The following RGS7 variants were observed in gnomAD, a reference collection of about 807,000 sequenced individuals.
RGS7 encodes the protein regulator of G-protein signaling 7.
A neutral mutation model predicts 81.1 loss-of-function variants in RGS7; 27 were observed. The ratio of observed to expected loss-of-function variants is 0.33; its 90% CI spans 0.25 to 0.46. RGS7 has a LOEUF of 0.46. Among genes scored for constraint, RGS7 ranks in the 20% least tolerant of loss-of-function variants. The pLI is 1.00. For missense variants in RGS7, 396 were observed against 607.4 expected (o/e 0.65, Z 3.66); for synonymous variants, 208 against 207.7 (o/e 1.00, Z -0.01).
chr1:241,334,413 A>T (rs1182413304), intron 2 of RGS7, among the ~76,000 whole-genome samples: 1 of 152,118 alleles, frequency 6.6e-6, no homozygotes, highest in African/African-American at 2.4e-5. Context: ...GGTCATAAAG[A>T]TCATTCCACA....
At chr1:240,884,173 G>A (rs373888221) in intron 6 of RGS7, among the ~76,000 whole-genome samples, 59 of 151,200 alleles carry the variant, frequency 3.9e-4, no homozygotes, top group African/African-American at 9.0e-4. Flanking sequence ...CGTGCCTTAC[G>A]GAAAAATTAA....
chr1:240,987,232 C>T (rs1400711063), intron 3 of RGS7, among the ~76,000 whole-genome samples: 3 of 152,198 alleles, frequency 2.0e-5, no homozygotes, highest in Non-Finnish European at 2.9e-5. Context: ...AAATAGAACA[C>T]ATTTGATTTG....
intron 2 of RGS7, among the ~76,000 whole-genome samples, chr1:241,218,057 G>C (rs777377769): frequency 6.6e-6 from 1 of 152,164 alleles, no homozygotes; most frequent in Non-Finnish European, 1.5e-5. Context: ...TCATGTGTGT[G>C]CATGTGGATA....
chr1:240,964,568 C>A (rs140980248), intron 4 of RGS7, among the ~76,000 whole-genome samples: 2 of 152,112 alleles, frequency 1.3e-5, no homozygotes, highest in African/African-American at 2.4e-5. Flanking sequence ...GTAATGATTT[C>A]TTTAATGTCA....
chr1:241,307,334 A>G (rs10802948), intron 2 of RGS7, among the ~76,000 whole-genome samples: 123,884 of 152,128 alleles, frequency 0.81, 50,609 homozygotes, highest in East Asian at 0.9. Flanking sequence ...AGAATCTAAC[A>G]GGAGTTCAAT....
At chr1:240,888,546 G>A (rs558554869) in intron 6 of RGS7, among the ~76,000 whole-genome samples, 1 of 152,170 alleles carries the variant, frequency 6.6e-6, no homozygotes, top group Non-Finnish European at 1.5e-5. Flanking sequence ...GGCTTACTTT[G>A]TACTGGTCTG....
chr1:240,987,353 G>A (rs1482655744), intron 3 of RGS7, among the ~76,000 whole-genome samples: 2 of 152,068 alleles, frequency 1.3e-5, no homozygotes, highest in Non-Finnish European at 2.9e-5. Flanking sequence ...AGGCAAAGAC[G>A]CTGACCTTTG....
chr1:241,145,068 A>G (rs1468694929), intron 2 of RGS7, among the ~76,000 whole-genome samples: 3 of 151,238 alleles, frequency 2.0e-5, no homozygotes, highest in East Asian at 3.9e-4. Flanking sequence ...CCAGGCTGGA[A>G]TGCAGTGGCA....
rs147445349 is a variant in RGS7 at position 241,163,918 on chromosome 1, T to C, written c.79-65156A>G. 2.0e-3 allele frequency among the ~76,000 whole-genome samples: 297 copies of C among 152,280 alleles called. 1 individual carries two copies. Among genetic ancestry groups the C allele is most frequent in the African/African-American group, 6.8e-3 (281 of 41,552 alleles). On this transcript the variant is annotated intron_variant, in intron 2 of 18. Transcript: ENST00000440928. The surrounding 1 kb of genome is among the most constrained non-coding windows in gnomAD (Gnocchi z 4.6). ...CACTCTGACACTCTCTTCCTGGAGATAGCGTCAGATCCCACAGGTTGAGGG... is the reference window on the plus strand; with the variant it reads ...CACTCTGACACTCTCTTCCTGGAGACAGCGTCAGATCCCACAGGTTGAGGG...
At chr1:240,990,080 C>T (rs1417524344) in intron 3 of RGS7, among the ~76,000 whole-genome samples, 2 of 152,162 alleles carry the variant, frequency 1.3e-5, no homozygotes, top group Admixed American at 6.5e-5. Flanking sequence ...AGTCTTAATT[C>T]CTGATGAAGG....
chr1:240,810,289 T>C (rs1935576), intron 14 of RGS7, among the ~76,000 whole-genome samples: 92,821 of 151,984 alleles, frequency 0.61, 29,962 homozygotes, highest in Non-Finnish European at 0.73. Flanking sequence ...TTTGGCTAGG[T>C]GAGGCTGGTA....
intron 18 of RGS7, among the ~76,000 whole-genome samples, chr1:240,781,907 C>T (rs966578276): frequency 6.6e-6 from 1 of 151,682 alleles, no homozygotes; most frequent in Non-Finnish European, 1.5e-5. Flanking sequence ...CCCAGCTACT[C>T]GGGAGGCTGA....
intron 3 of RGS7, among the ~76,000 whole-genome samples, chr1:241,085,049 G>C (rs2063352756): frequency 1.3e-5 from 2 of 152,296 alleles, no homozygotes; most frequent in South Asian, 4.1e-4. Context: ...TGCTTTACAG[G>C]CAAGTCAAAT....
intron 3 of RGS7, among the ~76,000 whole-genome samples, chr1:241,041,109 A>G (rs559876734): frequency 1.3e-5 from 2 of 152,360 alleles, no homozygotes; most frequent in African/African-American, 4.8e-5. Flanking sequence ...GTATATATTT[A>G]TTCTGATTAT....
intron 18 of RGS7, among the ~76,000 whole-genome samples, chr1:240,780,086 C>A (rs888980382): frequency 3.3e-5 from 5 of 152,142 alleles, no homozygotes; most frequent in African/African-American, 1.2e-4. Flanking sequence ...AGTCTCTGTG[C>A]TATGAATAGA....
At chr1:240,895,917 G>A (rs904956108) in intron 6 of RGS7, among the ~76,000 whole-genome samples, 4 of 152,260 alleles carry the variant, frequency 2.6e-5, no homozygotes, top group East Asian at 1.9e-4. Context: ...GTGTAAAAGT[G>A]TTTCTATTTC....
chr1:240,923,374 T>C, intron 6 of RGS7, among the ~76,000 whole-genome samples: 1 of 152,230 alleles, frequency 6.6e-6, no homozygotes, highest in East Asian at 1.9e-4. Context: ...ACAAACATAC[T>C]ATATTATGGT....
intron 3 of RGS7, among the ~76,000 whole-genome samples, chr1:241,001,371 G>A (rs1308787335): frequency 6.6e-6 from 1 of 151,838 alleles, no homozygotes; most frequent in Admixed American, 6.6e-5. Context: ...TGAACTGTAC[G>A]GTATAAAAAA....
chr1:241,237,804 C>A (rs1354011637), intron 2 of RGS7, among the ~76,000 whole-genome samples: 2 of 152,090 alleles, frequency 1.3e-5, no homozygotes, highest in Non-Finnish European at 2.9e-5. Context: ...CACCACCGTT[C>A]GAGTATAATT....
Sources: gnomAD v4.1 joint callset for allele counts (sites outside exome capture counted in the v4.1 genomes callset) on GRCh38, gnomAD v4.1.1 for gene constraint, Gnocchi (gnomAD v3.1) non-coding constraint, MANE v1.5 for transcripts, NCBI Gene and HGNC (gene_info 2026-07-23, HGNC 2026-07-21) for gene names.